The following ACTN1 variants were observed in gnomAD, a reference collection of about 807,000 sequenced individuals.
The protein encoded by ACTN1 is alpha-actinin-1.
In ACTN1, 30 loss-of-function variants were observed where a neutral mutation model predicts 119.6. The ratio of observed to expected loss-of-function variants is 0.25; its 90% CI spans 0.19 to 0.34. The LOEUF is 0.34. Among genes scored for constraint, ACTN1 ranks in the 10% least tolerant of loss-of-function variants. The pLI is 1.00. For missense variants in ACTN1, 764 were observed against 1,223.4 expected, an observed-to-expected ratio of 0.62 and a Z score of 5.60; for synonymous variants, 429 against 472.6, an observed-to-expected ratio of 0.91 and a Z score of 1.20.
In ACTN1 at chr14:68,882,229, C is replaced by A. The variant is rs1274787987; in HGVS notation, c.1953+229G>T. Among the ~76,000 whole-genome samples, 1 of 152,204 alleles carries A rather than the reference C, an allele frequency of 6.6e-6. No individual in the cohort carries two copies. The highest frequency in any genetic ancestry group is 6.5e-5 in the Admixed American group (1 of 15,282). ...GGGATTACAGGCGTGAGCCCACAGG[C>A]AGCTTCTTAGTGGTGTCCTCATATG... On this transcript the variant is annotated intron_variant, in intron 16 of 21. Coordinates refer to ENST00000394419, the MANE Select transcript of ACTN1 (RefSeq NM_001130004.2). This position sits in a 1 kb window ranked among gnomAD's most constrained non-coding sequence, Gnocchi z 4.5.
chr14:68,880,129 TG>T lies in ACTN1; in HGVS notation c.2134-22del. ...ATGTGCTGCAGGACGGCAAGGGGCC[TG>T]TCAGCAAAGGGGTCCCAGGCCTGGG... On this transcript the variant is annotated intron_variant, in intron 17 of 21. Coordinates refer to ENST00000394419, the MANE Select transcript of ACTN1 (RefSeq NM_001130004.2). This position sits in a 1 kb window ranked among gnomAD's most constrained non-coding sequence, Gnocchi z 4.6. 2 of 1,611,456 alleles carry T rather than the reference TG, an allele frequency of 1.2e-6. No homozygotes were observed. The highest frequency in any genetic ancestry group is 8.5e-7 in the Non-Finnish European group (1 of 1,178,460).
chr14:68,901,217 GTTTTT>G (rs369274446), intron 8 of ACTN1, among the ~76,000 whole-genome samples: 1 of 121,744 alleles, frequency 8.2e-6, no homozygotes, highest in African/African-American at 3.1e-5. Context: ...GTTTTTTTTT[GTTTTT>G]TTTTTGTTTT....
At chr14:68,937,339 A>G (rs2035576990) in intron 1 of ACTN1, among the ~76,000 whole-genome samples, 1 of 152,202 alleles carries the variant, frequency 6.6e-6, no homozygotes, top group African/African-American at 2.4e-5. Flanking sequence ...CTCTGGGATT[A>G]TTTGGCAAGG....
chr14:68,907,991 A>G (rs1275027216), intron 6 of ACTN1, among the ~76,000 whole-genome samples: 6 of 152,020 alleles, frequency 3.9e-5, no homozygotes, highest in Admixed American at 3.3e-4. Flanking sequence ...ACAACTTTCC[A>G]GCAGGACAGG....
chr14:68,960,336 T>C (rs1490316485), intron 1 of ACTN1, among the ~76,000 whole-genome samples: 1 of 152,202 alleles, frequency 6.6e-6, no homozygotes, highest in Non-Finnish European at 1.5e-5. Context: ...CAGCAGATCT[T>C]AGTATCCTCA....
intron 20 of ACTN1, 56 bp from the exon 21 acceptor site, chr14:68,877,296 C>T: frequency 6.2e-7 from 1 of 1,602,248 alleles, no homozygotes; most frequent in South Asian, 1.1e-5. Flanking sequence ...GGGAATATCT[C>T]ATATGGACTG....
intron 8 of ACTN1, among the ~76,000 whole-genome samples, chr14:68,896,478 T>A (rs1415592859): frequency 6.6e-6 from 1 of 152,124 alleles, no homozygotes; most frequent in Non-Finnish European, 1.5e-5. Context: ...GCCTTCCCCA[T>A]CACCGCAAAC....
rs1361174200 is a variant in ACTN1, at chr14:68,892,245, C to G, written c.894G>C (p.Glu298Asp). The part of the protein sequence containing the change: ...EWIRRTIPWL[E>D]NRVPENTMHA... ...GCATGGTGTTCTCGGGCACCCGGTT[C>G]TCCAGCCACGGGATTGTGCGGCGGA... The change falls in exon 10 of 22, where the codon GAG becomes GAC. Residue 298 changes from glutamate (E) to aspartate (D), a missense_variant. Around this residue, in one of 4 missense-constraint regions of ACTN1, gnomAD observed 544 missense variants for 912.0 expected, o/e 0.60. Coordinates refer to ENST00000394419, the MANE Select transcript of ACTN1 (RefSeq NM_001130004.2). The G allele has an allele frequency of 6.2e-7, 1 of 1,614,064 alleles. No individual in the cohort carries two copies. The highest frequency in any genetic ancestry group is 8.5e-7 in the Non-Finnish European group (1 of 1,179,970).
Position 68,874,662 on chromosome 14 carries a change from G to C in ACTN1, c.*197C>G. On this transcript the variant is annotated 3_prime_UTR_variant, in exon 22 of 22. Transcript: ENST00000394419. ...AATATGTAGTTTTTTGGTTTTTAAC[G>C]TAACTTTTTTTTCTTTTTTGCAGAA... is the stretch of plus-strand genomic sequence containing the variant. 2 of 453,498 alleles carry C rather than the reference G, an allele frequency of 4.4e-6. No individual in the cohort carries two copies. Among genetic ancestry groups the C allele is most frequent in the Non-Finnish European group, 7.2e-6 (2 of 276,280 alleles). The allele number at this position is 453,498 out of a possible 1,614,324, so 28.1% of individuals were successfully genotyped here.
chr14:68,876,045 G>A (rs1487225037), intron 21 of ACTN1, among the ~76,000 whole-genome samples: 1 of 152,124 alleles, frequency 6.6e-6, no homozygotes, highest in Non-Finnish European at 1.5e-5. Flanking sequence ...CACCCAGGCT[G>A]GAGTGCAGTG....
At chr14:68,978,028 C>G (rs1474415863) in intron 1 of ACTN1, 2 of 456,298 alleles carry the variant, frequency 4.4e-6, no homozygotes, top group South Asian at 3.1e-5. Context: ...CTTCCTGCCA[C>G]TGGCCACTGT....
chr14:68,913,959 G>A (rs924522023), intron 3 of ACTN1, among the ~76,000 whole-genome samples: 4 of 152,052 alleles, frequency 2.6e-5, no homozygotes, highest in Admixed American at 6.5e-5. Context: ...ACAGTGGCTC[G>A]AGCCTGTACT....
intron 1 of ACTN1, among the ~76,000 whole-genome samples, chr14:68,944,473 G>A (rs1237179676): frequency 2.0e-5 from 3 of 152,196 alleles, no homozygotes. Context: ...TTCTGTATCA[G>A]GGACTAGGGT....
rs1043928182 is a variant in ACTN1, at chr14:68,879,737, A to T, written c.2280+225T>A. ...GGTCAAAGGTCCTCTTTCTACCCAC[A>T]GTCTGAACACTCTCTCCCGGAAAGC... On this transcript the variant is annotated intron_variant, in intron 18 of 21. Coordinates refer to ENST00000394419, the MANE Select transcript of ACTN1 (RefSeq NM_001130004.2). The surrounding 1 kb of genome is among the most constrained non-coding windows in gnomAD (Gnocchi z 4.9). 2 of 532,490 alleles carry T rather than the reference A, an allele frequency of 3.8e-6. No individual in the cohort carries two copies. The allele number at this position is 532,490 out of a possible 1,614,324, so 33.0% of individuals were successfully genotyped here.
In ACTN1 at chr14:68,965,997, C is replaced by T. The variant is rs554258949; in HGVS notation, c.105+12955G>A. Among the ~76,000 whole-genome samples the T allele has an allele frequency of 5.3e-5, 8 of 152,190 alleles. No homozygotes were observed. The East Asian group carries it at 1.5e-3, about 29-fold the overall frequency. On this transcript the variant is annotated intron_variant, in intron 1 of 21. Transcript: ENST00000394419. ...ACTTTGGGAGGCCGAGGCAGGAGAT[C>T]GTTTAAGCCCAGGAGTTTGAGACCA...
chr14:68,956,960 C>G (rs778667852), intron 1 of ACTN1, among the ~76,000 whole-genome samples: 1 of 152,060 alleles, frequency 6.6e-6, no homozygotes, highest in African/African-American at 2.4e-5. Flanking sequence ...GGAGGCATCA[C>G]GAGATCCCAA....
intron 1 of ACTN1, among the ~76,000 whole-genome samples, chr14:68,959,562 G>C (rs1026747486): frequency 2.6e-5 from 4 of 152,122 alleles, no homozygotes; most frequent in African/African-American, 9.7e-5. Context: ...CCAGGGTCAG[G>C]GTTGACTTAC....
At chr14:68,884,389 G>T in intron 13 of ACTN1, 81 bp from the exon 14 acceptor site, 1 of 1,495,396 alleles carries the variant, frequency 6.7e-7, no homozygotes, top group Non-Finnish European at 9.1e-7. Flanking sequence ...CTCCTGGTGA[G>T]CCCCAGGTCT....
intron 7 of ACTN1, among the ~76,000 whole-genome samples, chr14:68,902,890 C>G (rs2033431998): frequency 6.6e-6 from 1 of 152,204 alleles, no homozygotes; most frequent in African/African-American, 2.4e-5. Flanking sequence ...GTCAGAAACA[C>G]AACCGAATGC....
Sources: gnomAD v4.1 joint callset for allele counts (sites outside exome capture counted in the v4.1 genomes callset) on GRCh38, gnomAD v4.1.1 for gene constraint, gnomAD v4.1.1 regional missense constraint, Gnocchi (gnomAD v3.1) non-coding constraint, MANE v1.5 for transcripts, NCBI Gene and HGNC (gene_info 2026-07-23, HGNC 2026-07-21) for gene names.